Variants in SLC25A21 observed in about 807,000 individuals in gnomAD.
SLC25A21 encodes the protein mitochondrial 2-oxodicarboxylate carrier.
In SLC25A21, 47 loss-of-function variants were observed where a neutral mutation model predicts 43.8. That is an observed-to-expected ratio of 1.07 (90% CI 0.85 to 1.37). SLC25A21 has a LOEUF of 1.37. SLC25A21 is among the 40% of genes most tolerant of loss of function. SLC25A21 has a pLI of 0.00. For missense variants in SLC25A21, 352 were observed against 350.2 expected (o/e 1.00, Z -0.04); for synonymous variants, 131 against 121.3 (o/e 1.08, Z -0.52).
chr14:36,918,425 A>C (rs965169396), intron 1 of SLC25A21, among the ~76,000 whole-genome samples: 2 of 152,148 alleles, frequency 1.3e-5, no homozygotes, highest in African/African-American at 4.8e-5. Context: ...CAGTTTCCTA[A>C]ATAACTTATT....
chr14:36,770,541 G>C (rs542243708), intron 3 of SLC25A21, among the ~76,000 whole-genome samples: 3 of 152,066 alleles, frequency 2.0e-5, no homozygotes, highest in East Asian at 3.9e-4. Flanking sequence ...AATTATAAAA[G>C]AAAAATAAGA....
At chr14:36,725,760 C>A in intron 5 of SLC25A21, 83 bp from the exon 6 acceptor site, 2 of 793,004 alleles carry the variant, frequency 2.5e-6, no homozygotes, top group African/African-American at 1.8e-5. Context: ...CACTATGCAG[C>A]TGAACGTTAT....
chr14:36,797,657 C>T (rs1049067271), intron 3 of SLC25A21, among the ~76,000 whole-genome samples: 2 of 152,256 alleles, frequency 1.3e-5, no homozygotes, highest in African/African-American at 4.8e-5. Context: ...TACTTTAAAA[C>T]CCTTGCTGTG....
chr14:37,123,220 G>A (rs749826260), intron 1 of SLC25A21, among the ~76,000 whole-genome samples: 1 of 152,202 alleles, frequency 6.6e-6, no homozygotes, highest in African/African-American at 2.4e-5. Flanking sequence ...GGGTTGGGGA[G>A]ATGGAGGTAG....
At chr14:37,056,000 C>T (rs954267885) in intron 1 of SLC25A21, among the ~76,000 whole-genome samples, 3 of 151,996 alleles carry the variant, frequency 2.0e-5, no homozygotes, top group African/African-American at 7.2e-5. Context: ...CTACCTAGTG[C>T]AGTCTCATGA....
chr14:37,044,717 G>C (rs979750742), intron 1 of SLC25A21, among the ~76,000 whole-genome samples: 4 of 152,136 alleles, frequency 2.6e-5, no homozygotes, highest in African/African-American at 4.8e-5. Flanking sequence ...GTTCAGGCTT[G>C]TGAAGAAAAG....
chr14:36,935,935 T>C (rs1425648078), intron 1 of SLC25A21, among the ~76,000 whole-genome samples: 2 of 152,106 alleles, frequency 1.3e-5, no homozygotes, highest in African/African-American at 4.8e-5. Context: ...AGGTTTAGAG[T>C]AAAATTCTAT....
Position 36,680,207 on chromosome 14 carries a change from A to AAAAC in SLC25A21, c.*447_*450dup. 1.1e-6 allele frequency: 1 copy of AAAAC among 873,086 alleles called. No individual in the cohort carries two copies. The allele number at this position is 873,086 out of a possible 1,614,324, so 54.1% of individuals were successfully genotyped here. A position where few individuals can be genotyped will look rare whatever the true frequency, so the allele number is the denominator to read the frequency against. ...TTATGGAATAATTTAATTCATTATA[A>AAAAC]AAACTGCTTAAATTTTGGCTTAACT... On this transcript the variant is annotated 3_prime_UTR_variant, in exon 10 of 10. Coordinates refer to ENST00000331299, the MANE Select transcript of SLC25A21 (RefSeq NM_030631.4).
chr14:36,766,995 T>C (rs1270793478), intron 3 of SLC25A21, among the ~76,000 whole-genome samples: 1 of 152,224 alleles, frequency 6.6e-6, no homozygotes, highest in Non-Finnish European at 1.5e-5. Context: ...TCTATTTGCA[T>C]GACCATATAC....
At chr14:36,871,876 TAGAA>T (rs1369451345) in intron 2 of SLC25A21, among the ~76,000 whole-genome samples, 1 of 152,140 alleles carries the variant, frequency 6.6e-6, no homozygotes, top group East Asian at 1.9e-4. Context: ...ATAGAAAACT[TAGAA>T]AGCACAGAAA....
chr14:37,012,237 C>T (rs909015), intron 1 of SLC25A21, among the ~76,000 whole-genome samples: 28,024 of 152,102 alleles, frequency 0.18, 2,984 homozygotes, highest in East Asian at 0.36. Flanking sequence ...GATATGTAGT[C>T]TATATAATAA....
intron 1 of SLC25A21, among the ~76,000 whole-genome samples, chr14:36,948,064 A>G (rs926550816): frequency 6.6e-6 from 1 of 152,196 alleles, no homozygotes; most frequent in African/African-American, 2.4e-5. Context: ...AAGGGGCTTT[A>G]GCTCTGATAG....
At chr14:36,897,051 T>C (rs1022128041) in intron 1 of SLC25A21, among the ~76,000 whole-genome samples, 1 of 152,196 alleles carries the variant, frequency 6.6e-6, no homozygotes, top group Non-Finnish European at 1.5e-5. Context: ...ATTTTTGTGT[T>C]GTTCTCTGTA....
At chr14:36,979,635 C>T (rs554154326) in intron 1 of SLC25A21, among the ~76,000 whole-genome samples, 12 of 152,222 alleles carry the variant, frequency 7.9e-5, no homozygotes, top group African/African-American at 2.6e-4. Flanking sequence ...GTATTACAGG[C>T]GCAAGCCACC....
chr14:37,158,482 A>G (rs1158089614), intron 1 of SLC25A21, among the ~76,000 whole-genome samples: 2 of 152,190 alleles, frequency 1.3e-5, no homozygotes, highest in Non-Finnish European at 2.9e-5. Flanking sequence ...GACAAAAACC[A>G]TATGATCATC....
At chr14:36,723,511 CG>C (rs576302941) in intron 6 of SLC25A21, among the ~76,000 whole-genome samples, 4 of 152,118 alleles carry the variant, frequency 2.6e-5, no homozygotes, top group Non-Finnish European at 5.9e-5. Context: ...GAAATGACCC[CG>C]AACAAGCTCC....
intron 1 of SLC25A21, among the ~76,000 whole-genome samples, chr14:36,960,587 T>G (rs1009705136): frequency 8.5e-5 from 13 of 152,176 alleles, no homozygotes; most frequent in Admixed American, 3.9e-4. Flanking sequence ...CCTTTTCTTT[T>G]GTAATTTACC....
At chr14:36,939,596 C>T (rs908400875) in intron 1 of SLC25A21, among the ~76,000 whole-genome samples, 2 of 152,026 alleles carry the variant, frequency 1.3e-5, no homozygotes, top group African/African-American at 2.4e-5. Context: ...TGAAAATCTT[C>T]CTCTTGCTGT....
chr14:36,684,846 A>G lies in SLC25A21; in HGVS notation c.683T>C (p.Phe228Ser). The G allele has an allele frequency of 6.2e-7, 1 of 1,614,136 alleles. No individual in the cohort carries two copies. Among genetic ancestry groups the G allele is most frequent in the Non-Finnish European group, 8.5e-7 (1 of 1,179,992 alleles). Residue 228 changes from phenylalanine to serine, a missense_variant, in exon 8 of 10, where the codon TTT (phenylalanine) becomes TCT (serine). Coordinates refer to ENST00000331299, the MANE Select transcript of SLC25A21 (RefSeq NM_030631.4). The stretch of plus-strand genomic sequence containing the variant: ...TTGAATCCTACTTTTGGCAACATCA[A>G]AAGGGATGTTAATGACTGAGGCTAT... ...GTIASVINIP[F>S]DVAKSRIQGP...
Sources: allele counts gnomAD v4.1 joint callset (sites outside exome capture counted in the v4.1 genomes callset), GRCh38; gene constraint gnomAD v4.1.1; transcripts MANE v1.5; gene names NCBI Gene and HGNC (gene_info 2026-07-23, HGNC 2026-07-21).